Variants in CUX1 observed in about 807,000 individuals in gnomAD.
CUX1 encodes the protein protein CASP.
Under a neutral mutation model 158.8 loss-of-function variants are expected in CUX1, and 31 were observed. That is an observed-to-expected ratio of 0.20 (90% confidence interval 0.15 to 0.26). The LOEUF is 0.26. Ranked by LOEUF, CUX1 falls within the 10% of genes least tolerant of loss-of-function variation. CUX1 has a pLI of 1.00. For missense variants in CUX1, 1,589 were observed against 2,014.6 expected, an observed-to-expected ratio of 0.79 and a Z score of 4.04; for synonymous variants, 879 against 862.1, an observed-to-expected ratio of 1.02 and a Z score of -0.34.
intron 4 of CUX1, among the ~76,000 whole-genome samples, chr7:102,087,320 C>T (rs564853254): frequency 1.6e-3 from 240 of 152,302 alleles, no homozygotes; most frequent in Middle Eastern, 0.014. Context: ...ATGGCTCACA[C>T]CTGTAATCCC....
chr7:102,040,901 G>C lies in CUX1; in HGVS notation c.189+12756G>C, dbSNP rs1486808285. On this transcript the variant is annotated intron_variant, in intron 3 of 23. Transcript: ENST00000292535. ...CTCCCCCAAGGAGCTCCGTAGCTCT[G>C]AAACCTCATGAGACTCACTGGAGCA... 2.0e-5 allele frequency among the ~76,000 whole-genome samples: 3 copies of C among 152,172 alleles called. No individual in the cohort carries two copies. The South Asian group carries it at 6.2e-4, about 32-fold the overall frequency.
At chr7:101,888,957 TA>T (rs1405744543) in intron 1 of CUX1, among the ~76,000 whole-genome samples, 1 of 152,044 alleles carries the variant, frequency 6.6e-6, no homozygotes, top group African/African-American at 2.4e-5. Flanking sequence ...GTATCACCTC[TA>T]TTTTGCATAT....
chr7:102,024,706 G>A (rs17409879), intron 2 of CUX1, among the ~76,000 whole-genome samples: 40,011 of 151,960 alleles, frequency 0.26, 5,683 homozygotes, highest in Non-Finnish European at 0.31. Context: ...CCCCATGGTC[G>A]TTTTCCCTGG....
chr7:102,003,528 G>A (rs763722649), intron 2 of CUX1, among the ~76,000 whole-genome samples: 2 of 152,198 alleles, frequency 1.3e-5, no homozygotes, highest in East Asian at 3.8e-4. Flanking sequence ...CTCCGTTCGA[G>A]TCTGAGCTGG....
chr7:101,985,467 C>T (rs982389974), intron 2 of CUX1, among the ~76,000 whole-genome samples: 2 of 152,228 alleles, frequency 1.3e-5, no homozygotes, highest in Non-Finnish European at 2.9e-5. Flanking sequence ...TGCAGGACTG[C>T]TGTGCATGTG....
chr7:101,924,465 C>T (rs1003877830), intron 2 of CUX1, among the ~76,000 whole-genome samples: 2 of 152,034 alleles, frequency 1.3e-5, no homozygotes, highest in Admixed American at 6.5e-5. Context: ...GGACCCTGGG[C>T]GAGTCAGGTG....
At chr7:102,234,524 T>A (rs1285118962) in intron 22 of CUX1, among the ~76,000 whole-genome samples, 1 of 152,078 alleles carries the variant, frequency 6.6e-6, no homozygotes, top group African/African-American at 2.4e-5. Context: ...CTGCATTTGG[T>A]TTTTGTGTTG....
upstream of CUX1, among the ~76,000 whole-genome samples, chr7:101,816,379 C>G (rs1158764769): frequency 1.8e-4 from 26 of 143,850 alleles, no homozygotes; most frequent in Non-Finnish European, 3.7e-4. Flanking sequence ...GTGTCTGCCC[C>G]CACCCCGGGC....
At position 102,249,702 on chromosome 7, in the gene CUX1, A is replaced by C; in HGVS notation, c.*660A>C. 1 of 985,684 alleles carries C rather than the reference A, an allele frequency of 1.0e-6. No homozygotes were observed. The highest frequency in any genetic ancestry group is 1.2e-6 in the Non-Finnish European group (1 of 829,860). 61.1% of individuals were successfully genotyped at this position (985,684 alleles called of 1,614,324 possible). On this transcript the variant is annotated 3_prime_UTR_variant, in exon 24 of 24. Coordinates refer to ENST00000292535, the MANE Select transcript of CUX1 (RefSeq NM_181552.4). The stretch of plus-strand genomic sequence containing the variant: ...AAAGGGGGGGTGGGATTTTTCAGAA[A>C]AATTAAAAAAGAAAGTTTTTGTAGC...
intron 3 of CUX1, among the ~76,000 whole-genome samples, chr7:102,030,224 C>A (rs1264386592): frequency 1.3e-5 from 2 of 152,168 alleles, no homozygotes; most frequent in Non-Finnish European, 2.9e-5. Context: ...ACTGGTCAGG[C>A]TGGTCTCTCA....
intron 2 of CUX1, among the ~76,000 whole-genome samples, chr7:101,917,138 A>C (rs113094632): frequency 4.6e-5 from 7 of 152,330 alleles, no homozygotes; most frequent in Admixed American, 2.0e-4. Context: ...TGGCTCCTCC[A>C]TATAAGACAT....
chr7:102,116,507 T>G (rs1191889925), intron 8 of CUX1, among the ~76,000 whole-genome samples: 1 of 152,110 alleles, frequency 6.6e-6, no homozygotes, highest in African/African-American at 2.4e-5. Context: ...TCACCGAGCA[T>G]GGCAGTGTGC....
At chr7:101,932,193 C>G (rs1806365149) in intron 2 of CUX1, 1 of 157,302 alleles carries the variant, frequency 6.4e-6, no homozygotes, top group Non-Finnish European at 1.4e-5. Context: ...CTAACATTGA[C>G]AGTTTCCTTC....
At position 101,869,220 on chromosome 7, in the gene CUX1, C is replaced by G. The variant is rs1343411570; in HGVS notation, c.31-46895C>G. 6.6e-6 allele frequency among the ~76,000 whole-genome samples: 1 copy of G among 152,092 alleles called. No individual in the cohort carries two copies. The highest frequency in any genetic ancestry group is 1.5e-5 in the Non-Finnish European group (1 of 68,000). ...AGCCCCATGTGCGCGTGACCTGTGG[C>G]AGAGGGGCTGTGTCAGAGCCCCGGC... On this transcript the variant is annotated intron_variant, in intron 1 of 23. Coordinates refer to ENST00000292535, the MANE Select transcript of CUX1 (RefSeq NM_181552.4). The surrounding 1 kb of genome is among the most constrained non-coding windows in gnomAD (Gnocchi z 4.5).
chr7:102,228,076 G>C (rs1554529360), intron 21 of CUX1, among the ~76,000 whole-genome samples: 1 of 148,788 alleles, frequency 6.7e-6, no homozygotes, highest in African/African-American at 2.5e-5. Context: ...CCAGCCTCCT[G>C]AGTAGCTGGG....
chr7:101,832,128 G>A (rs1311877204), intron 1 of CUX1, among the ~76,000 whole-genome samples: 3 of 152,184 alleles, frequency 2.0e-5, no homozygotes, highest in South Asian at 2.1e-4. Context: ...CATGGAAGGC[G>A]GGCTAGAGTG....
At chr7:101,903,066 C>T (rs1338893178) in intron 1 of CUX1, among the ~76,000 whole-genome samples, 4 of 152,284 alleles carry the variant, frequency 2.6e-5, no homozygotes, top group Middle Eastern at 3.4e-3. Flanking sequence ...CACATTCATG[C>T]GAAGCCTCGG....
chr7:102,088,668 T>G (rs1554481309), intron 4 of CUX1, among the ~76,000 whole-genome samples: 1 of 152,160 alleles, frequency 6.6e-6, no homozygotes, highest in African/African-American at 2.4e-5. Context: ...TGAAATAGTT[T>G]GTTGGTGGTT....
Position 102,248,351 on chromosome 7 carries a change from C to T in CUX1, c.3888-61C>T, listed in dbSNP as rs28413600. The T allele has an allele frequency of 1.7e-3, 2,523 of 1,444,400 alleles. 31 individuals carry two copies. The African/African-American group carries it at 0.032, about 19-fold the overall frequency. 89.5% of individuals were successfully genotyped at this position (1,444,400 alleles called of 1,614,324 possible). A position where few individuals can be genotyped will look rare whatever the true frequency, so the allele number is the denominator to read the frequency against. On this transcript the variant is annotated intron_variant, in intron 23 of 23. Transcript: ENST00000292535. The surrounding 1 kb of genome is among the most constrained non-coding windows in gnomAD (Gnocchi z 5.8). ...AGAGAGAGGGGTCTGGCTGGGGTAG[C>T]ACCAGAGGCCCTTTCCCCAGCAGCA...
Sources: gnomAD v4.1 joint callset for allele counts (sites outside exome capture counted in the v4.1 genomes callset) on GRCh38, gnomAD v4.1.1 for gene constraint, Gnocchi (gnomAD v3.1) non-coding constraint, MANE v1.5 for transcripts, NCBI Gene and HGNC (gene_info 2026-07-23, HGNC 2026-07-21) for gene names.